The following RBFOX1 variants were observed in gnomAD, a reference collection of about 807,000 sequenced individuals.
RBFOX1 encodes the protein RNA binding fox-1 homolog 1, also known as RNA binding protein fox-1 homolog 1.
Under a neutral mutation model 57.7 loss-of-function variants are expected in RBFOX1, and 8 were observed. That is an observed-to-expected ratio of 0.14 (90% CI 0.08 to 0.25). RBFOX1 has a LOEUF of 0.25. Among genes scored for constraint, RBFOX1 ranks in the 10% least tolerant of loss-of-function variants. The pLI, the probability that RBFOX1 is intolerant of heterozygous loss-of-function variation, is 1.00. For missense variants in RBFOX1, 611 were observed against 548.5 expected (o/e 1.11, Z -1.14); for synonymous variants, 326 against 222.4 (o/e 1.47, Z -4.15).
At chr16:5,408,073 A>G (rs538056524) in intron 1 of RBFOX1, among the ~76,000 whole-genome samples, 1 of 147,638 alleles carries the variant, frequency 6.8e-6, no homozygotes, top group Non-Finnish European at 1.5e-5. Flanking sequence ...TCGGTTGCTT[A>G]TTTAAAGGTA....
intron 2 of RBFOX1, among the ~76,000 whole-genome samples, chr16:5,570,837 C>G (rs1252810461): frequency 2.4e-5 from 1 of 41,506 alleles, no homozygotes. Flanking sequence ...GAAACTCTGT[C>G]TCAAAAAAAA....
intron 4 of RBFOX1, among the ~76,000 whole-genome samples, chr16:5,953,855 C>G (rs997794340): frequency 1.3e-5 from 2 of 151,938 alleles, no homozygotes; most frequent in East Asian, 3.9e-4. Context: ...TTCTAGATAC[C>G]CAGTAGTGGG....
intron 2 of RBFOX1, among the ~76,000 whole-genome samples, chr16:6,614,448 C>T (rs1416664777): frequency 6.6e-6 from 1 of 152,182 alleles, no homozygotes; most frequent in African/African-American, 2.4e-5. Context: ...CTGCTTTTTC[C>T]TGCCCAGTTA....
chr16:6,949,666 T>C (rs151016171), intron 3 of RBFOX1, among the ~76,000 whole-genome samples: 3 of 152,288 alleles, frequency 2.0e-5, no homozygotes, highest in East Asian at 3.9e-4. Context: ...CCCAACCTTA[T>C]GACCTCCTTT....
Position 5,351,712 on chromosome 16 carries a change from T to TG in RBFOX1, c.219+111608dup, listed in dbSNP as rs1275904224. On this transcript the variant is annotated intron_variant, in intron 1 of 2. Transcript: ENST00000585867. ...AAGGGAGGAATTCAGGTTGGACCCT[T>TG]GATATCGCTTAGCCCGAGAACTCCT... Among the ~76,000 whole-genome samples, 3 of 152,324 alleles carry TG rather than the reference T, an allele frequency of 2.0e-5. No individual in the cohort carries two copies. In the East Asian group the frequency reaches 5.8e-4, roughly 29 times the overall value.
At chr16:6,654,758 C>T (rs2098634296) in intron 3 of RBFOX1, 108 bp downstream of exon 3, 3 of 750,772 alleles carry the variant, frequency 4.0e-6, no homozygotes, top group East Asian at 3.0e-5. Flanking sequence ...TTAGGTGATT[C>T]ACGGTCTATG....
At chr16:7,077,608 A>G (rs1399583963) in intron 4 of RBFOX1, among the ~76,000 whole-genome samples, 1 of 152,172 alleles carries the variant, frequency 6.6e-6, no homozygotes, top group Non-Finnish European at 1.5e-5. Flanking sequence ...GTTCAGTATC[A>G]TGTTTGTGCC....
chr16:6,988,018 T>TG (rs202113130), intron 3 of RBFOX1, among the ~76,000 whole-genome samples: 52 of 151,810 alleles, frequency 3.4e-4, no homozygotes, highest in African/African-American at 1.1e-3. Flanking sequence ...ATGTTTCTGG[T>TG]GAAAAAAAAA....
chr16:5,746,344 T>C (rs1465513420), intron 3 of RBFOX1, among the ~76,000 whole-genome samples: 1 of 152,228 alleles, frequency 6.6e-6, no homozygotes, highest in Non-Finnish European at 1.5e-5. Context: ...TACTGTAGCC[T>C]TGTAGTATAG....
intron 5 of RBFOX1, among the ~76,000 whole-genome samples, chr16:7,557,043 G>A (rs890431342): frequency 2.6e-5 from 4 of 152,270 alleles, no homozygotes; most frequent in East Asian, 1.9e-4. Flanking sequence ...GTTATTTGGA[G>A]TCAGGCTTGA....
intron 3 of RBFOX1, among the ~76,000 whole-genome samples, chr16:5,768,258 G>A (rs1450211175): frequency 6.6e-6 from 1 of 152,190 alleles, no homozygotes; most frequent in Non-Finnish European, 1.5e-5. Context: ...TTTGGTAGAG[G>A]CACCGTTGAT....
chr16:7,100,869 T>A (rs190492140), intron 4 of RBFOX1, among the ~76,000 whole-genome samples: 2,165 of 152,310 alleles, frequency 0.014, 31 homozygotes, highest in Middle Eastern at 0.024. Context: ...CTATACTGAA[T>A]GCTTGTGAAG....
chr16:6,964,754 G>A (rs1239089847), intron 3 of RBFOX1, among the ~76,000 whole-genome samples: 2 of 152,178 alleles, frequency 1.3e-5, no homozygotes, highest in African/African-American at 4.8e-5. Flanking sequence ...AATTCCTGTT[G>A]GAGAGCCTTT....
At chr16:6,731,714 T>G (rs563716106) in intron 3 of RBFOX1, among the ~76,000 whole-genome samples, 1 of 152,080 alleles carries the variant, frequency 6.6e-6, no homozygotes, top group Non-Finnish European at 1.5e-5. Flanking sequence ...CTAGGCTCAT[T>G]GTATATCTGG....
chr16:5,500,692 G>C (rs1384271574), intron 2 of RBFOX1, among the ~76,000 whole-genome samples: 1 of 152,164 alleles, frequency 6.6e-6, no homozygotes, highest in Non-Finnish European at 1.5e-5. Context: ...AACATTGAAT[G>C]CTTCAGATAT....
intron 3 of RBFOX1, among the ~76,000 whole-genome samples, chr16:5,796,737 A>C (rs886163832): frequency 6.6e-6 from 1 of 152,228 alleles, no homozygotes; most frequent in East Asian, 1.9e-4. Context: ...GCCTGTGGTC[A>C]TCCAGCTAGA....
At chr16:6,742,701 A>G (rs1236718985) in intron 3 of RBFOX1, among the ~76,000 whole-genome samples, 1 of 152,210 alleles carries the variant, frequency 6.6e-6, no homozygotes, top group Admixed American at 6.5e-5. Context: ...ATGAATCTCA[A>G]GGGCACAATG....
intron 3 of RBFOX1, among the ~76,000 whole-genome samples, chr16:6,813,857 T>G (rs2089401869): frequency 6.6e-6 from 1 of 152,120 alleles, no homozygotes; most frequent in African/African-American, 2.4e-5. Context: ...CTGGCTTCCA[T>G]CTGAGCTCAG....
At chr16:5,439,056 G>C (rs781591154) in intron 1 of RBFOX1, among the ~76,000 whole-genome samples, 1 of 150,890 alleles carries the variant, frequency 6.6e-6, no homozygotes, top group Non-Finnish European at 1.5e-5. Context: ...TAGTGATTTT[G>C]TTTTGGGAGG....
Sources: allele counts gnomAD v4.1 joint callset (sites outside exome capture counted in the v4.1 genomes callset), GRCh38; gene constraint gnomAD v4.1.1; transcripts MANE v1.5; gene names NCBI Gene and HGNC (gene_info 2026-07-23, HGNC 2026-07-21).